Variants in APBB2 observed in about 807,000 individuals in gnomAD.
APBB2 encodes amyloid beta precursor protein binding family B member 2, also known as Fe65-like 1.
In APBB2, 38 loss-of-function variants were observed where a neutral mutation model predicts 82.5. The ratio of observed to expected loss-of-function variants is 0.46; its 90% CI spans 0.36 to 0.60. The LOEUF is 0.60. APBB2 is among the 20% of genes least tolerant of loss of function. The pLI is 0.00. For synonymous variants in APBB2, 341 were observed against 368.2 expected, an observed-to-expected ratio of 0.93 and a Z score of 0.85; for missense variants, 772 against 972.3, an observed-to-expected ratio of 0.79 and a Z score of 2.74.
At chr4:40,938,078 A>G (rs1785837315) in intron 7 of APBB2, among the ~76,000 whole-genome samples, 1 of 152,242 alleles carries the variant, frequency 6.6e-6, no homozygotes, top group African/African-American at 2.4e-5. Context: ...AAGATGGGGA[A>G]AGAGGTGGTA....
intron 3 of APBB2, among the ~76,000 whole-genome samples, chr4:41,091,178 T>C (rs1426552929): frequency 6.6e-6 from 1 of 152,188 alleles, no homozygotes; most frequent in Non-Finnish European, 1.5e-5. Flanking sequence ...ATCAGAGTTG[T>C]ACTAGGCACT....
intron 10 of APBB2, among the ~76,000 whole-genome samples, chr4:40,916,910 C>G (rs1779988131): frequency 6.6e-6 from 1 of 152,082 alleles, no homozygotes; most frequent in Non-Finnish European, 1.5e-5. Context: ...TGGGGAAGGT[C>G]AGAGGGAAGA....
chr4:40,868,858 T>G (rs916618725), intron 12 of APBB2, among the ~76,000 whole-genome samples: 12 of 152,190 alleles, frequency 7.9e-5, no homozygotes, highest in African/African-American at 2.9e-4. Flanking sequence ...TTTAATAACT[T>G]TTTTCTTTCA....
chr4:41,214,061 G>A (rs972279647), intron 1 of APBB2, among the ~76,000 whole-genome samples: 4 of 152,218 alleles, frequency 2.6e-5, no homozygotes, highest in Non-Finnish European at 4.4e-5. Context: ...GCCCTGCCAA[G>A]CCGGGGCTGC....
chr4:41,054,742 T>C (rs998333219), intron 4 of APBB2, among the ~76,000 whole-genome samples: 7 of 152,180 alleles, frequency 4.6e-5, no homozygotes, highest in Non-Finnish European at 1.0e-4. Context: ...TGAAGTCTTG[T>C]TGCTGTGAAC....
At chr4:41,022,359 G>A (rs1378289335) in intron 5 of APBB2, among the ~76,000 whole-genome samples, 1 of 152,154 alleles carries the variant, frequency 6.6e-6, no homozygotes, top group East Asian at 1.9e-4. Context: ...AAGAGGAAGT[G>A]TGAGATCTGG....
At chr4:41,021,754 T>C (rs1015870089) in intron 5 of APBB2, among the ~76,000 whole-genome samples, 3 of 152,120 alleles carry the variant, frequency 2.0e-5, no homozygotes, top group Admixed American at 2.0e-4. Context: ...TGTGGAAGCT[T>C]TGTTCTTTCA....
At chr4:40,842,156 A>T (rs1756021015) in intron 12 of APBB2, among the ~76,000 whole-genome samples, 4 of 152,242 alleles carry the variant, frequency 2.6e-5, no homozygotes, top group Non-Finnish European at 4.4e-5. Context: ...CCAGGGTCAA[A>T]CACAGTAGAG....
At chr4:41,060,578 G>A (rs1579661906) in intron 4 of APBB2, among the ~76,000 whole-genome samples, 1 of 152,266 alleles carries the variant, frequency 6.6e-6, no homozygotes, top group South Asian at 2.1e-4. Flanking sequence ...ACAGAGGAGA[G>A]GAGGGAAATA....
intron 1 of APBB2, among the ~76,000 whole-genome samples, chr4:41,167,489 G>A (rs370298471): frequency 6.6e-6 from 1 of 152,090 alleles, no homozygotes; most frequent in African/African-American, 2.4e-5. Context: ...AGGGTTTTAG[G>A]AGCTCTGTGA....
At chr4:41,061,874 T>C (rs996542623) in intron 4 of APBB2, among the ~76,000 whole-genome samples, 11 of 152,238 alleles carry the variant, frequency 7.2e-5, no homozygotes, top group African/African-American at 2.7e-4. Context: ...AAAAACAATG[T>C]AGAGCACAGC....
At chr4:40,992,526 G>T (rs1560475642) in intron 6 of APBB2, among the ~76,000 whole-genome samples, 1 of 152,076 alleles carries the variant, frequency 6.6e-6, no homozygotes, top group Non-Finnish European at 1.5e-5. Flanking sequence ...ACCTTCTGAT[G>T]TAGTTAAACA....
In APBB2 at chr4:41,160,007, A is replaced by AGAAGAAGAAGAAGAG. The variant is rs1764660451; in HGVS notation, c.-416-16866_-416-16865insCTCTTCTTCTTCTTC. ...AAGAAGAAGAAGAAGAAGAAGAAGA[A>AGAAGAAGAAGAAGAG]GAAGAAGAAGAAGAAGAAGAAGAAG... is the stretch of plus-strand genomic sequence containing the variant. On this transcript the variant is annotated intron_variant, in intron 1 of 17. Transcript: ENST00000508593. Among the ~76,000 whole-genome samples, 2 of 150,226 alleles carry AGAAGAAGAAGAAGAG rather than the reference A, an allele frequency of 1.3e-5. 1 individual carries two copies. Among genetic ancestry groups the AGAAGAAGAAGAAGAG allele is most frequent in the Non-Finnish European group, 3.0e-5 (2 of 67,786 alleles).
rs1443746216 is a variant in APBB2, at chr4:41,160,313, T to C, written c.-416-17171A>G. Among the ~76,000 whole-genome samples the C allele has an allele frequency of 2.6e-5, 4 of 152,182 alleles. No homozygotes were observed. In the South Asian group the frequency reaches 6.2e-4, roughly 24 times the overall value. On this transcript the variant is annotated intron_variant, in intron 1 of 17. Coordinates refer to ENST00000508593, the MANE Select transcript of APBB2 (RefSeq NM_004307.2). ...TAGTCAGAGTGCTTGAAGAACACCA[T>C]GCACATTCCCATTTCACTCCCTGCA...
chr4:40,824,811 C>G (rs950861284), intron 15 of APBB2, among the ~76,000 whole-genome samples: 4 of 152,118 alleles, frequency 2.6e-5, no homozygotes, highest in African/African-American at 9.7e-5. Context: ...AATTTTAGAA[C>G]AGTTTCATCA....
intron 2 of APBB2, among the ~76,000 whole-genome samples, chr4:41,135,620 A>G (rs1436374123): frequency 6.6e-6 from 1 of 152,258 alleles, no homozygotes; most frequent in Non-Finnish European, 1.5e-5. Context: ...TTCTTGTATC[A>G]GTAATTATAT....
chr4:40,910,492 G>A (rs1361921450), intron 10 of APBB2, among the ~76,000 whole-genome samples: 1 of 152,108 alleles, frequency 6.6e-6, no homozygotes, highest in African/African-American at 2.4e-5. Context: ...ACCTGCTCCA[G>A]TCTCCCAAAG....
chr4:40,902,334 T>A (rs1479491806), intron 10 of APBB2, among the ~76,000 whole-genome samples: 1 of 152,188 alleles, frequency 6.6e-6, no homozygotes, highest in African/African-American at 2.4e-5. Flanking sequence ...ATCACAATCC[T>A]CTTTTGGTTA....
At chr4:41,044,074 C>CCTAAATCCA (rs920641841) in intron 4 of APBB2, among the ~76,000 whole-genome samples, 1 of 152,180 alleles carries the variant, frequency 6.6e-6, no homozygotes, top group Non-Finnish European at 1.5e-5. Context: ...TTATTCAATG[C>CCTAAATCCA]CTAAATCCAC....
Sources: allele counts gnomAD v4.1 joint callset (sites outside exome capture counted in the v4.1 genomes callset), GRCh38; gene constraint gnomAD v4.1.1; transcripts MANE v1.5; gene names NCBI Gene and HGNC (gene_info 2026-07-23, HGNC 2026-07-21).